The following ADAM22 variants were observed in gnomAD, a reference collection of about 807,000 sequenced individuals.
ADAM22 encodes the protein disintegrin and metalloproteinase domain-containing protein 22.
ADAM22 carries 65 observed loss-of-function variants against 144.6 expected under a neutral mutation model. The ratio of observed to expected loss-of-function variants is 0.45; its 90% CI spans 0.37 to 0.55. The LOEUF (loss-of-function observed/expected upper bound fraction) is 0.55. Among genes scored for constraint, ADAM22 ranks in the 20% least tolerant of loss-of-function variants. The probability of loss-of-function intolerance (pLI) is 0.00; values close to 1 mark genes in which losing one functional copy is unlikely to be tolerated. For missense variants in ADAM22, 974 were observed against 1,184.9 expected (o/e 0.82, Z 2.61); for synonymous variants, 391 against 412.6 (o/e 0.95, Z 0.63).
At position 88,094,776 on chromosome 7, in the gene ADAM22, A is replaced by G. The variant is rs10275870; in HGVS notation, c.391-13400A>G. Among the ~76,000 whole-genome samples, 960 of 152,072 alleles carry G rather than the reference A, an allele frequency of 6.3e-3. 15 individuals carry two copies. The highest frequency in any genetic ancestry group is 0.022 in the African/African-American group (927 of 41,500). ...AGTCCTGCTGTCTTTCTGATTAAAT[A>G]AAAAAAATAAACTTCTTGAATTGTG... is the stretch of plus-strand genomic sequence containing the variant. On this transcript the variant is annotated intron_variant, in intron 4 of 31. Transcript: ENST00000413139.
intron 3 of ADAM22, among the ~76,000 whole-genome samples, chr7:88,049,086 G>A (rs1805471734): frequency 6.6e-6 from 1 of 152,110 alleles, no homozygotes; most frequent in Non-Finnish European, 1.5e-5. Context: ...TTATATAGGT[G>A]TTAGTGTGAA....
chr7:88,074,839 A>G (rs369119042), intron 3 of ADAM22, among the ~76,000 whole-genome samples: 1 of 152,208 alleles, frequency 6.6e-6, no homozygotes, highest in South Asian at 2.1e-4. Flanking sequence ...TGATTGGAAC[A>G]GTTTTAGTTT....
At chr7:88,188,103 T>C (rs1848739244) in intron 30 of ADAM22, among the ~76,000 whole-genome samples, 1 of 152,068 alleles carries the variant, frequency 6.6e-6, no homozygotes, top group African/African-American at 2.4e-5. Flanking sequence ...CAGTCCTATT[T>C]CTCCTTTCTG....
intron 7 of ADAM22, 40 bp from the exon 8 acceptor site, chr7:88,125,549 A>T: frequency 6.8e-7 from 1 of 1,475,118 alleles, no homozygotes. Context: ...AAGAAATCTG[A>T]CAAATGCACT....
At chr7:88,162,986 A>AT (rs1842098939) in intron 22 of ADAM22, 26 bp from the exon 23 acceptor site, 1 of 1,598,908 alleles carries the variant, frequency 6.3e-7, no homozygotes, top group African/African-American at 1.4e-5. Context: ...TAATAGATTC[A>AT]TTTTTTGCTC....
At chr7:87,936,589 C>T (rs1006798931) in intron 2 of ADAM22, among the ~76,000 whole-genome samples, 1 of 152,066 alleles carries the variant, frequency 6.6e-6, no homozygotes, top group Non-Finnish European at 1.5e-5. Flanking sequence ...TTTGTCTATA[C>T]CCTACGTATT....
At chr7:88,112,006 C>T (rs1826174185) in intron 5 of ADAM22, among the ~76,000 whole-genome samples, 2 of 152,128 alleles carry the variant, frequency 1.3e-5, no homozygotes, top group Admixed American at 1.3e-4. Flanking sequence ...CTGCTTGCTA[C>T]TTTGTTGGTG....
At chr7:88,008,905 TAATAATAAA>T (rs886541609) in intron 3 of ADAM22, among the ~76,000 whole-genome samples, 2 of 117,052 alleles carry the variant, frequency 1.7e-5, no homozygotes, top group African/African-American at 5.8e-5. Flanking sequence ...ATAATAATAA[TAATAATAAA>T]AAGAAAAAAA....
At chr7:87,965,640 A>G (rs1441118777) in intron 2 of ADAM22, among the ~76,000 whole-genome samples, 4 of 152,230 alleles carry the variant, frequency 2.6e-5, no homozygotes, top group Non-Finnish European at 5.9e-5. Context: ...CTAGCCCTTT[A>G]GTAAAAGTGA....
rs143773222 is a variant in ADAM22, at chr7:87,941,002, G to A, written c.246+5816G>A. Among the ~76,000 whole-genome samples, 288 of 152,256 alleles carry A rather than the reference G, an allele frequency of 1.9e-3. 1 individual carries two copies. The highest frequency in any genetic ancestry group is 0.01 in the Middle Eastern group (3 of 294). On this transcript the variant is annotated intron_variant, in intron 2 of 31. Transcript: ENST00000413139. Reference sequence around the variant, plus strand: ...AATGATTCTTTTTTGTCAACTAAGCGTCACAGATTTACATCCAGGATGTTA... The same window carrying A: ...AATGATTCTTTTTTGTCAACTAAGCATCACAGATTTACATCCAGGATGTTA...
At chr7:88,044,304 A>G (rs1803944109) in intron 3 of ADAM22, among the ~76,000 whole-genome samples, 1 of 152,184 alleles carries the variant, frequency 6.6e-6, no homozygotes, top group South Asian at 2.1e-4. Context: ...TATGATGATG[A>G]TGTCTTTAGA....
chr7:88,164,478 TTAATA>T (rs1842502473), intron 23 of ADAM22, among the ~76,000 whole-genome samples: 1 of 152,050 alleles, frequency 6.6e-6, no homozygotes. Context: ...TGTCAAAAAA[TTAATA>T]TAAGAAAAAT....
chr7:88,144,635 C>T lies in ADAM22; in HGVS notation c.1321-490C>T, dbSNP rs138561015. ...ACTAAACTTAATCCTGAACAATTTT[C>T]TGATGTGGATGGACAACTATTATTA... On this transcript the variant is annotated intron_variant, in intron 15 of 31. Coordinates refer to ENST00000413139, the MANE Select transcript of ADAM22 (RefSeq NM_001324418.2). Among the ~76,000 whole-genome samples, 52 of 152,116 alleles carry T rather than the reference C, an allele frequency of 3.4e-4. 1 individual carries two copies. The highest frequency in any genetic ancestry group is 1.2e-3 in the African/African-American group (48 of 41,524).
At chr7:88,011,753 TTCTC>T (rs2129459884) in intron 3 of ADAM22, among the ~76,000 whole-genome samples, 1 of 144,012 alleles carries the variant, frequency 6.9e-6, no homozygotes, top group East Asian at 2.3e-4. Flanking sequence ...CCCCCAACCT[TTCTC>T]TCTAGCTTCT....
At chr7:88,002,334 TCACAG>T (rs1195015894) in intron 3 of ADAM22, among the ~76,000 whole-genome samples, 2 of 152,116 alleles carry the variant, frequency 1.3e-5, no homozygotes, top group Non-Finnish European at 2.9e-5. Context: ...TTCGAGTGAA[TCACAG>T]GCCCATTCCT....
intron 2 of ADAM22, among the ~76,000 whole-genome samples, chr7:87,952,981 T>C (rs1392794723): frequency 6.6e-6 from 1 of 152,200 alleles, no homozygotes; most frequent in East Asian, 1.9e-4. Flanking sequence ...GTGGAATTGG[T>C]GGTGATATCC....
At chr7:88,051,281 G>A (rs575243230) in intron 3 of ADAM22, among the ~76,000 whole-genome samples, 1 of 152,288 alleles carries the variant, frequency 6.6e-6, no homozygotes, top group African/African-American at 2.4e-5. Flanking sequence ...ATTCACAATA[G>A]CAAAGACTTG....
At chr7:88,129,297 T>C (rs1157659654) in intron 9 of ADAM22, among the ~76,000 whole-genome samples, 1 of 152,054 alleles carries the variant, frequency 6.6e-6, no homozygotes, top group Non-Finnish European at 1.5e-5. Flanking sequence ...TGCTAATTGT[T>C]CTATGTAACC....
At position 88,130,422 on chromosome 7, in the gene ADAM22, A is replaced by G; in HGVS notation, c.788A>G (p.Asn263Ser). 6.2e-7 allele frequency: 1 copy of G among 1,613,322 alleles called. No homozygotes were observed. The highest frequency in any genetic ancestry group is 8.5e-7 in the Non-Finnish European group (1 of 1,179,436). Residue 263 changes from asparagine (N) to serine (S), a missense_variant, in exon 10 of 32, where the codon AAT becomes AGT. Coordinates refer to ENST00000413139, the MANE Select transcript of ADAM22 (RefSeq NM_001324418.2). ...KKHRLSVVHT[N>S]TYAKSVVNMA... ...CATCGGCTTTCCGTTGTACATACCA[A>G]TACCTATGCGAAATCTGTGGTGAAC... is the stretch of plus-strand genomic sequence containing the variant.
Sources: allele counts gnomAD v4.1 joint callset (sites outside exome capture counted in the v4.1 genomes callset), GRCh38; gene constraint gnomAD v4.1.1; transcripts MANE v1.5; gene names NCBI Gene and HGNC (gene_info 2026-07-23, HGNC 2026-07-21).